Variants in CACNA2D3 observed in about 807,000 individuals in gnomAD.
The protein encoded by CACNA2D3 is voltage-dependent calcium channel subunit alpha-2/delta-3.
In CACNA2D3, 60 loss-of-function variants were observed where a neutral mutation model predicts 160.6. The observed-to-expected ratio is 0.37, with a 90% CI of 0.30 to 0.46. CACNA2D3 has a LOEUF of 0.46. Ranked by LOEUF, CACNA2D3 falls within the 20% of genes least tolerant of loss-of-function variation. The pLI is 1.00. For missense variants in CACNA2D3, 1,205 were observed against 1,365.0 expected (o/e 0.88, Z 1.85); for synonymous variants, 558 against 492.9 (o/e 1.13, Z -1.75).
At chr3:54,368,259 C>G (rs750911291) in intron 3 of CACNA2D3, among the ~76,000 whole-genome samples, 1 of 152,048 alleles carries the variant, frequency 6.6e-6, no homozygotes, top group Admixed American at 6.6e-5. Context: ...CGCTTGAGCC[C>G]GGGAGTTCTA....
chr3:54,896,197 A>C (rs898707427), intron 25 of CACNA2D3, among the ~76,000 whole-genome samples: 2 of 152,180 alleles, frequency 1.3e-5, no homozygotes, highest in African/African-American at 4.8e-5. Context: ...GCGGGGATGC[A>C]CACAGGGGGC....
chr3:54,703,615 T>C (rs1395758757), intron 11 of CACNA2D3, among the ~76,000 whole-genome samples: 14 of 152,136 alleles, frequency 9.2e-5, no homozygotes. Context: ...TGACCTAAAA[T>C]CCCCCTACAA....
At position 54,489,671 on chromosome 3, in the gene CACNA2D3, C is replaced by A. The variant is rs1029075965; in HGVS notation, c.382-13821C>A. 8.5e-5 allele frequency among the ~76,000 whole-genome samples: 13 copies of A among 152,296 alleles called. 1 individual carries two copies. The South Asian group carries it at 2.5e-3, about 29-fold the overall frequency. The stretch of plus-strand genomic sequence containing the variant: ...GTGTGCTGGAGTTAAACACTTCACT[C>A]CATGGCTTTTAGAGTGAAATGCCCA... On this transcript the variant is annotated intron_variant, in intron 4 of 37. Coordinates refer to ENST00000474759, the MANE Select transcript of CACNA2D3 (RefSeq NM_018398.3).
At chr3:54,271,346 A>G (rs1702618708) in intron 2 of CACNA2D3, among the ~76,000 whole-genome samples, 1 of 152,168 alleles carries the variant, frequency 6.6e-6, no homozygotes, top group Non-Finnish European at 1.5e-5. Flanking sequence ...ATGCAGTCCT[A>G]GAATCCTTTT....
rs565685433 is a variant in CACNA2D3, at chr3:54,748,570, C to CT, written c.1168-4017dup. Among the ~76,000 whole-genome samples, 176 of 145,908 alleles carry CT rather than the reference C, an allele frequency of 1.2e-3. 1 individual carries two copies. Among genetic ancestry groups the CT allele is most frequent in the Non-Finnish European group, 1.5e-3 (100 of 66,032 alleles). On this transcript the variant is annotated intron_variant, in intron 11 of 37. Coordinates refer to ENST00000474759, the MANE Select transcript of CACNA2D3 (RefSeq NM_018398.3). ...AAATGAGCGAAGAGGCTGATGCAGA[C>CT]TTTTTTTTTTTTCACCCCTGCCTTT...
At chr3:55,073,068 A>G (rs1444813737) in intron 35 of CACNA2D3, among the ~76,000 whole-genome samples, 2 of 152,214 alleles carry the variant, frequency 1.3e-5, no homozygotes, top group African/African-American at 4.8e-5. Flanking sequence ...ACTTAGAGGA[A>G]CATCAAATGT....
rs143982285 is a variant in CACNA2D3, at chr3:54,504,774, G to C, written c.544+1120G>C. 2.0e-5 allele frequency among the ~76,000 whole-genome samples: 3 copies of C among 152,158 alleles called. No homozygotes were observed. In the South Asian group the frequency reaches 6.2e-4, roughly 32 times the overall value. The stretch of plus-strand genomic sequence containing the variant: ...AGTCCTGATCTTCCTCTTGTAGGCT[G>C]TGTGATCTTAAGCAAGCAACTTTGC... On this transcript the variant is annotated intron_variant, in intron 5 of 37. Coordinates refer to ENST00000474759, the MANE Select transcript of CACNA2D3 (RefSeq NM_018398.3).
chr3:54,471,576 A>G (rs370519717), intron 4 of CACNA2D3, among the ~76,000 whole-genome samples: 179 of 152,308 alleles, frequency 1.2e-3, no homozygotes, highest in African/African-American at 4.2e-3. Flanking sequence ...GGAGATAGAG[A>G]TACGAAAACT....
At chr3:54,468,390 G>A (rs1700666696) in intron 4 of CACNA2D3, among the ~76,000 whole-genome samples, 1 of 152,188 alleles carries the variant, frequency 6.6e-6, no homozygotes, top group African/African-American at 2.4e-5. Flanking sequence ...GAGGAATGGT[G>A]CATTCCAGCC....
intron 29 of CACNA2D3, among the ~76,000 whole-genome samples, chr3:54,975,984 G>T (rs554831915): frequency 1.3e-5 from 2 of 151,410 alleles, no homozygotes; most frequent in East Asian, 3.9e-4. Flanking sequence ...GTTTCCTTTG[G>T]TAGCAGGTGT....
chr3:55,014,722 ACT>A (rs1426128313), intron 34 of CACNA2D3, among the ~76,000 whole-genome samples: 2 of 152,058 alleles, frequency 1.3e-5, no homozygotes, highest in Non-Finnish European at 2.9e-5. Context: ...ACAGAGTGAG[ACT>A]CTGTCTCCAA....
Position 55,074,303 on chromosome 3 carries a change from A to G in CACNA2D3, c.*97A>G. On this transcript the variant is annotated 3_prime_UTR_variant, in exon 38 of 38. Transcript: ENST00000474759. Reference sequence around the variant, plus strand: ...CAAAATATGGTGCAACATACGAGACATGAATATAGTCCAACCATCAGCATC... The same window carrying G: ...CAAAATATGGTGCAACATACGAGACGTGAATATAGTCCAACCATCAGCATC... 1.1e-6 allele frequency: 1 copy of G among 923,004 alleles called. No individual in the cohort carries two copies. The highest frequency in any genetic ancestry group is 1.8e-6 in the Non-Finnish European group (1 of 556,052). 57.2% of individuals were successfully genotyped at this position (923,004 alleles called of 1,614,324 possible). A position where few individuals can be genotyped will look rare whatever the true frequency, so the allele number is the denominator to read the frequency against.
At chr3:54,970,985 G>A (rs530960701) in intron 29 of CACNA2D3, among the ~76,000 whole-genome samples, 6 of 152,186 alleles carry the variant, frequency 3.9e-5, no homozygotes, top group African/African-American at 1.4e-4. Context: ...TTTCAAAAAG[G>A]TGGACAAAGG....
intron 17 of CACNA2D3, among the ~76,000 whole-genome samples, chr3:54,854,935 G>A (rs538819444): frequency 1.3e-5 from 2 of 152,234 alleles, no homozygotes; most frequent in East Asian, 3.9e-4. Context: ...GGTCCCTCTT[G>A]CCAGCAAGGA....
chr3:54,976,542 C>T (rs187793457), intron 29 of CACNA2D3, among the ~76,000 whole-genome samples: 6 of 152,192 alleles, frequency 3.9e-5, no homozygotes, highest in Non-Finnish European at 7.4e-5. Context: ...GAAAAATTCC[C>T]TGCTTGATGC....
At chr3:54,269,603 C>A (rs913717152) in intron 2 of CACNA2D3, among the ~76,000 whole-genome samples, 5 of 152,080 alleles carry the variant, frequency 3.3e-5, no homozygotes, top group African/African-American at 1.2e-4. Flanking sequence ...CTGTGTAAAG[C>A]ATGTAAAGAA....
chr3:54,409,849 A>C (rs1372590151), intron 4 of CACNA2D3, among the ~76,000 whole-genome samples: 1 of 152,224 alleles, frequency 6.6e-6, no homozygotes, highest in Non-Finnish European at 1.5e-5. Context: ...AAGCTAGCAG[A>C]GTTGGTTCAT....
intron 31 of CACNA2D3, among the ~76,000 whole-genome samples, chr3:54,996,481 G>A (rs1367674442): frequency 6.6e-6 from 1 of 152,156 alleles, no homozygotes; most frequent in Non-Finnish European, 1.5e-5. Context: ...AAGCAAATGC[G>A]GTTGGTAGAG....
intron 2 of CACNA2D3, among the ~76,000 whole-genome samples, chr3:54,265,193 T>C (rs987527160): frequency 9.9e-5 from 15 of 152,204 alleles, no homozygotes; most frequent in Non-Finnish European, 1.8e-4. Flanking sequence ...TAATTTACAC[T>C]CCCACCAACA....
Sources: allele counts gnomAD v4.1 joint callset (sites outside exome capture counted in the v4.1 genomes callset), GRCh38; gene constraint gnomAD v4.1.1; transcripts MANE v1.5; gene names NCBI Gene and HGNC (gene_info 2026-07-23, HGNC 2026-07-21).